The following DMD variants were observed in gnomAD, a reference collection of about 807,000 sequenced individuals.
The protein encoded by DMD is dystrophin, also known as mutant dystrophin.
Under a neutral mutation model 330.1 loss-of-function variants are expected in DMD, and 63 were observed. That is an observed-to-expected ratio of 0.19 (90% confidence interval 0.16 to 0.24). The LOEUF is 0.24. Among genes scored for constraint, DMD ranks in the 10% least tolerant of loss-of-function variants. The pLI is 1.00. For synonymous variants in DMD, 1,223 were observed against 959.8 expected, an observed-to-expected ratio of 1.27 and a Z score of -5.07; for missense variants, 3,344 against 2,684.1, an observed-to-expected ratio of 1.25 and a Z score of -5.43.
chrX:33,038,491 C>G (rs2094242082), intron 1 of DMD, among the ~76,000 whole-genome samples: 1 of 111,499 alleles, frequency 9.0e-6, no homozygotes, highest in Non-Finnish European at 1.9e-5. Context: ...TTGTTTGCCC[C>G]GGAGCCCGGC....
At chrX:32,033,209 G>A (rs1304582237) in intron 44 of DMD, among the ~76,000 whole-genome samples, 1 of 111,123 alleles carries the variant, frequency 9.0e-6, no homozygotes, top group Non-Finnish European at 1.9e-5. Flanking sequence ...CTGGACTGGT[G>A]GTTGCCAGGG....
At chrX:32,338,294 T>A (rs973633996) in intron 41 of DMD, among the ~76,000 whole-genome samples, 1 of 111,412 alleles carries the variant, frequency 9.0e-6, no homozygotes, top group Non-Finnish European at 1.9e-5. Context: ...TTGGTTGACC[T>A]TTATTGAATT....
At chrX:32,122,637 T>C (rs2096641640) in intron 44 of DMD, among the ~76,000 whole-genome samples, 1 of 111,477 alleles carries the variant, frequency 9.0e-6, no homozygotes, top group South Asian at 3.8e-4. Flanking sequence ...TTTTTTGAGA[T>C]CATCTTGAGC....
chrX:32,624,553 A>G (rs1187506195), intron 11 of DMD, among the ~76,000 whole-genome samples: 1 of 111,621 alleles, frequency 9.0e-6, no homozygotes, highest in East Asian at 2.8e-4. Flanking sequence ...TCAAACTTTA[A>G]TGTACATATG....
At chrX:33,037,556 A>C (rs2094226247) in intron 1 of DMD, among the ~76,000 whole-genome samples, 1 of 111,597 alleles carries the variant, frequency 9.0e-6, no homozygotes, top group South Asian at 3.7e-4. Flanking sequence ...AGGAATTCAC[A>C]AACACAGATA....
intron 60 of DMD, among the ~76,000 whole-genome samples, chrX:31,385,737 C>T (rs1487684832): frequency 3.6e-5 from 4 of 112,095 alleles, no homozygotes; most frequent in Non-Finnish European, 7.5e-5. Context: ...CAACAGATGC[C>T]AGAGAGGATG....
chrX:31,677,906 G>C (rs2082166603), intron 53 of DMD, among the ~76,000 whole-genome samples: 1 of 112,191 alleles, frequency 8.9e-6, no homozygotes, highest in Middle Eastern at 4.6e-3. Flanking sequence ...ATGGGATGTG[G>C]TGGAAGTGAT....
intron 1 of DMD, among the ~76,000 whole-genome samples, chrX:33,037,042 T>G (rs182671306): frequency 1.8e-5 from 2 of 111,210 alleles, no homozygotes; most frequent in African/African-American, 6.5e-5. Context: ...AAGGTTTTGA[T>G]TGCATTTTCT....
intron 1 of DMD, among the ~76,000 whole-genome samples, chrX:33,031,201 G>A (rs1007743796): frequency 6.3e-5 from 7 of 110,317 alleles, no homozygotes; most frequent in Admixed American, 1.9e-4. Context: ...AGGAGGGCTT[G>A]GTAAGCCCAT....
intron 47 of DMD, among the ~76,000 whole-genome samples, chrX:31,922,743 A>G (rs1045446618): frequency 8.9e-6 from 1 of 111,818 alleles, no homozygotes; most frequent in African/African-American, 3.3e-5. Flanking sequence ...AGAGTAGAGA[A>G]AAAACACGGT....
chrX:32,269,628 A>G (rs928720875), intron 43 of DMD, among the ~76,000 whole-genome samples: 7 of 111,573 alleles, frequency 6.3e-5, no homozygotes, highest in African/African-American at 2.3e-4. Context: ...AAGTGACCTT[A>G]CTCATTCCGG....
At chrX:31,324,393 G>A (rs1195713829) in intron 61 of DMD, among the ~76,000 whole-genome samples, 2 of 95,155 alleles carry the variant, frequency 2.1e-5, no homozygotes, top group Admixed American at 1.1e-4. Flanking sequence ...TCTTTGCATT[G>A]TTTTTTTTTT....
intron 9 of DMD, among the ~76,000 whole-genome samples, chrX:32,665,432 G>T (rs1319681436): frequency 8.9e-6 from 1 of 112,064 alleles, no homozygotes; most frequent in Non-Finnish European, 1.9e-5. Context: ...GAAGAACCTG[G>T]TCTTCAGTAA....
At chrX:32,316,240 G>A (rs2097582039) in intron 41 of DMD, among the ~76,000 whole-genome samples, 1 of 111,032 alleles carries the variant, frequency 9.0e-6, no homozygotes. Context: ...CAATAAAAAG[G>A]TATAGTTTAT....
At chrX:32,846,041 A>C (rs1378437996) in intron 3 of DMD, among the ~76,000 whole-genome samples, 1 of 111,797 alleles carries the variant, frequency 8.9e-6, no homozygotes, top group African/African-American at 3.3e-5. Context: ...CATTGTACAT[A>C]TGGTTTCTGG....
chrX:32,954,843 C>T (rs1378992509), intron 2 of DMD, among the ~76,000 whole-genome samples: 4 of 111,296 alleles, frequency 3.6e-5, no homozygotes, highest in African/African-American at 1.3e-4. Flanking sequence ...GCCTCCAACT[C>T]CATCCATGTT....
intron 54 of DMD, among the ~76,000 whole-genome samples, chrX:31,644,835 G>A (rs986372065): frequency 9.0e-6 from 1 of 111,305 alleles, no homozygotes; most frequent in African/African-American, 3.3e-5. Flanking sequence ...TAAGAGTTAT[G>A]GGTTGGCCAG....
At chrX:32,493,138 A>T (rs964701742) in intron 19 of DMD, among the ~76,000 whole-genome samples, 5 of 111,721 alleles carry the variant, frequency 4.5e-5, no homozygotes, top group African/African-American at 6.5e-5. Context: ...GACTAAAAAA[A>T]ATATAGATGT....
intron 2 of DMD, among the ~76,000 whole-genome samples, chrX:32,867,516 A>C (rs1018638024): frequency 1.7e-4 from 19 of 112,508 alleles, no homozygotes; most frequent in African/African-American, 5.8e-4. Context: ...AGGAAAAATT[A>C]GTTATAACTG....
Sources: gnomAD v4.1 joint callset for allele counts (sites outside exome capture counted in the v4.1 genomes callset) on GRCh38, gnomAD v4.1.1 for gene constraint, MANE v1.5 for transcripts, NCBI Gene and HGNC (gene_info 2026-07-23, HGNC 2026-07-21) for gene names.